The following CYP19A1 variants were observed in gnomAD, a reference collection of about 807,000 sequenced individuals.
The protein encoded by CYP19A1 is aromatase.
Under a neutral mutation model 44.4 loss-of-function variants are expected in CYP19A1, and 32 were observed. That is an observed-to-expected ratio of 0.72 (90% CI 0.54 to 0.97). CYP19A1 has a LOEUF of 0.97. CYP19A1 is among the 50% of genes least tolerant of loss of function. The pLI is 0.00. For synonymous variants in CYP19A1, 212 were observed against 215.6 expected (o/e 0.98, Z 0.14); for missense variants, 598 against 637.8 (o/e 0.94, Z 0.67).
chr15:51,277,853 A>G (rs532703288), intron 1 of CYP19A1: 18 of 152,330 alleles, frequency 1.2e-4, no homozygotes, highest in Non-Finnish European at 2.1e-4. Context: ...CAGTTATTTA[A>G]AAGAATACAT....
At chr15:51,269,093 G>GA (rs2035032245) in intron 1 of CYP19A1, among the ~76,000 whole-genome samples, 1 of 152,050 alleles carries the variant, frequency 6.6e-6, no homozygotes, top group South Asian at 2.1e-4. Context: ...TGTTCTGAGA[G>GA]ACCTTTGTCT....
intron 1 of CYP19A1, among the ~76,000 whole-genome samples, chr15:51,331,919 G>A (rs1405966474): frequency 5.4e-5 from 8 of 147,188 alleles, no homozygotes; most frequent in African/African-American, 1.7e-4. Context: ...GTATGTGTGT[G>A]TATATATATA....
intron 1 of CYP19A1, among the ~76,000 whole-genome samples, chr15:51,270,453 C>T (rs560279697): frequency 6.6e-5 from 10 of 152,154 alleles, no homozygotes; most frequent in Non-Finnish European, 1.0e-4. Context: ...CTATCCCTAC[C>T]TGGAACCCCT....
At chr15:51,286,090 C>T (rs190459513) in intron 1 of CYP19A1, among the ~76,000 whole-genome samples, 319 of 152,278 alleles carry the variant, frequency 2.1e-3, no homozygotes, top group African/African-American at 7.3e-3. Flanking sequence ...CACTTGGGTT[C>T]TTGGGAAAGA....
chr15:51,281,004 C>T (rs1250624494), intron 1 of CYP19A1, among the ~76,000 whole-genome samples: 3 of 152,186 alleles, frequency 2.0e-5, no homozygotes, highest in South Asian at 2.1e-4. Flanking sequence ...CCCAGGCGCC[C>T]GTTACTGGGG....
chr15:51,222,672 C>A (rs1256678002), intron 4 of CYP19A1, 147 bp from the exon 5 acceptor site: 4 of 717,768 alleles, frequency 5.6e-6, no homozygotes, highest in African/African-American at 1.8e-5. Context: ...TTTTCGTATG[C>A]TTTTCTGTGG....
At chr15:51,293,562 CGGTCTCCCTCTCCCTCTCTTTCCAT>C (rs2035897010) in intron 1 of CYP19A1, 1 of 149,734 alleles carries the variant, frequency 6.7e-6, no homozygotes, top group Non-Finnish European at 1.5e-5. Context: ...CCTCTCCCCA[CGGTCTCCCTCTCCCTCTCTTTCCAT>C]GGTCTCCCTC....
At chr15:51,304,825 A>G (rs1007169520) in intron 1 of CYP19A1, among the ~76,000 whole-genome samples, 2 of 149,670 alleles carry the variant, frequency 1.3e-5, no homozygotes, top group Admixed American at 1.3e-4. Flanking sequence ...CTACAAGGTG[A>G]GCTTTAAAAA....
intron 2 of CYP19A1, chr15:51,242,119 C>T (rs948452081): frequency 2.0e-5 from 3 of 153,760 alleles, no homozygotes; most frequent in African/African-American, 7.2e-5. Context: ...ATATTATTCT[C>T]TGCTTTTGAT....
chr15:51,276,362 G>A (rs929306942), intron 1 of CYP19A1, among the ~76,000 whole-genome samples: 2 of 152,092 alleles, frequency 1.3e-5, no homozygotes, highest in Admixed American at 6.5e-5. Flanking sequence ...ACATGAACTC[G>A]AAAGACACAG....
chr15:51,288,959 A>G (rs2035777736), intron 1 of CYP19A1, among the ~76,000 whole-genome samples: 1 of 152,246 alleles, frequency 6.6e-6, no homozygotes, highest in African/African-American at 2.4e-5. Context: ...TCCCCGCAAC[A>G]TAACTGCATT....
intron 1 of CYP19A1, among the ~76,000 whole-genome samples, chr15:51,281,615 G>A (rs142733192): frequency 2.0e-5 from 3 of 152,316 alleles, no homozygotes; most frequent in Non-Finnish European, 4.4e-5. Flanking sequence ...GAGGCAGGCA[G>A]TGAGGGGCAG....
chr15:51,211,154 G>C lies in CYP19A1; in HGVS notation c.1264-98C>G, dbSNP rs1003831885. The C allele has an allele frequency of 3.2e-5, 26 of 817,358 alleles. No individual in the cohort carries two copies. The Admixed American group carries it at 3.8e-4, about 12-fold the overall frequency. The allele number at this position is 817,358 out of a possible 1,614,324, so 50.6% of individuals were successfully genotyped here. ...GAAAACATGGGTCAGTCAGAACACT[G>C]TTTTGGGGTTATCAGCTACAATGCC... On this transcript the variant is annotated intron_variant, in intron 9 of 9. Coordinates refer to ENST00000396402, the MANE Select transcript of CYP19A1 (RefSeq NM_000103.4).
At chr15:51,223,593 T>TCTCTCTCACACACACACACA (rs1356666512) in intron 4 of CYP19A1, among the ~76,000 whole-genome samples, 150 of 90,188 alleles carry the variant, frequency 1.7e-3, no homozygotes, top group Non-Finnish European at 2.5e-3. Context: ...TCTCTCTCTC[T>TCTCTCTCACACACACACACA]CACACACACA....
intron 1 of CYP19A1, among the ~76,000 whole-genome samples, chr15:51,285,870 C>A (rs957521604): frequency 5.9e-5 from 9 of 152,196 alleles, no homozygotes; most frequent in Admixed American, 5.2e-4. Flanking sequence ...ATTCCTTTGA[C>A]TCCGCCAGAC....
chr15:51,266,555 A>G (rs1032141037), intron 1 of CYP19A1, among the ~76,000 whole-genome samples: 4 of 152,210 alleles, frequency 2.6e-5, no homozygotes, highest in Non-Finnish European at 5.9e-5. Context: ...CACAATTTCT[A>G]TCAGGCCCTA....
intron 1 of CYP19A1, among the ~76,000 whole-genome samples, chr15:51,305,999 G>T (rs1027392486): frequency 6.6e-6 from 1 of 152,170 alleles, no homozygotes; most frequent in Non-Finnish European, 1.5e-5. Context: ...AAGCAAAAAA[G>T]CACCCTGGCT....
intron 5 of CYP19A1, among the ~76,000 whole-genome samples, chr15:51,220,625 A>C (rs776956495): frequency 5.9e-5 from 9 of 152,244 alleles, no homozygotes; most frequent in Non-Finnish European, 1.2e-4. Context: ...ATGGATATAC[A>C]TATTTAGGGG....
intron 4 of CYP19A1, among the ~76,000 whole-genome samples, chr15:51,227,399 G>A (rs2141077374): frequency 6.6e-6 from 1 of 152,220 alleles, no homozygotes; most frequent in South Asian, 2.1e-4. Flanking sequence ...AGGAATGATA[G>A]CTCATGCCTG....
Sources: gnomAD v4.1 joint callset for allele counts (sites outside exome capture counted in the v4.1 genomes callset) on GRCh38, gnomAD v4.1.1 for gene constraint, MANE v1.5 for transcripts, NCBI Gene and HGNC (gene_info 2026-07-23, HGNC 2026-07-21) for gene names.